Variants in VPS53 observed in about 807,000 individuals in gnomAD.
VPS53 encodes VPS53 subunit of GARP complex.
Under a neutral mutation model 107.0 loss-of-function variants are expected in VPS53, and 70 were observed. That is an observed-to-expected ratio of 0.65 (90% CI 0.54 to 0.80). VPS53 has a LOEUF of 0.80. VPS53 is among the 30% of genes least tolerant of loss of function. The pLI is 0.00. For missense variants in VPS53, 917 were observed against 1,049.4 expected, an observed-to-expected ratio of 0.87 and a Z score of 1.74; for synonymous variants, 409 against 393.3, an observed-to-expected ratio of 1.04 and a Z score of -0.47.
chr17:548,891 C>T (rs1911548790), intron 17 of VPS53, among the ~76,000 whole-genome samples: 1 of 152,246 alleles, frequency 6.6e-6, no homozygotes, highest in Non-Finnish European at 1.5e-5. Context: ...TCGCCCTCAT[C>T]TGTTTCAAAC....
chr17:655,084 C>CA lies in VPS53; in HGVS notation c.488+753dup, dbSNP rs531495499. Among the ~76,000 whole-genome samples the CA allele has an allele frequency of 1.2e-3, 189 of 152,304 alleles. 2 individuals carry two copies. Among genetic ancestry groups the CA allele is most frequent in the African/African-American group, 4.3e-3 (177 of 41,566 alleles). ...ACCCAGGACTTTGAATGCTGCATCT[C>CA]AGTTTCTATGACGATGCGCTTTCCC... On this transcript the variant is annotated intron_variant, in intron 6 of 21. Transcript: ENST00000437048.
Position 638,062 on chromosome 17 carries a change from T to C in VPS53, c.609-6434A>G, listed in dbSNP as rs564101152. On this transcript the variant is annotated intron_variant, in intron 7 of 21. Transcript: ENST00000437048. ...TTGTGTGGGAGTCTAAGTCTCTTTG[T>C]AGTTTCTAAGGACTTGCTTTATGAA... is the stretch of plus-strand genomic sequence containing the variant. 6.6e-4 allele frequency among the ~76,000 whole-genome samples: 100 copies of C among 152,352 alleles called. 1 individual carries two copies. Among genetic ancestry groups the C allele is most frequent in the Admixed American group, 5.0e-3 (76 of 15,294 alleles).
In VPS53 at chr17:638,689, G is replaced by A. The variant is rs191895558; in HGVS notation, c.609-7061C>T. On this transcript the variant is annotated intron_variant, in intron 7 of 21. Transcript: ENST00000437048. ...TTCACTTATGAAGCTTAGTTTGGCT[G>A]GATATGAAATTCTGGGTTGAAAATT... 2.9e-3 allele frequency among the ~76,000 whole-genome samples: 440 copies of A among 152,232 alleles called. 3 individuals are homozygous for A. The highest frequency in any genetic ancestry group is 9.9e-3 in the African/African-American group (413 of 41,540).
chr17:571,585 G>C (rs565170326), intron 13 of VPS53, among the ~76,000 whole-genome samples: 19 of 141,338 alleles, frequency 1.3e-4, no homozygotes, highest in Middle Eastern at 3.5e-3. Flanking sequence ...GTCTCCCTCT[G>C]ATGCCGAGCC....
chr17:530,448 C>T (rs141947331), intron 19 of VPS53, among the ~76,000 whole-genome samples: 261 of 152,224 alleles, frequency 1.7e-3, no homozygotes, highest in African/African-American at 5.9e-3. Context: ...CCACTGCACC[C>T]GGCCTGCTAA....
At chr17:649,587 C>A (rs1396358162) in intron 7 of VPS53, among the ~76,000 whole-genome samples, 1 of 142,776 alleles carries the variant, frequency 7.0e-6, no homozygotes. Flanking sequence ...GGAACAGGCA[C>A]TGAAGATCTT....
At chr17:667,029 A>G (rs1316242675) in intron 4 of VPS53, among the ~76,000 whole-genome samples, 1 of 152,198 alleles carries the variant, frequency 6.6e-6, no homozygotes, top group African/African-American at 2.4e-5. Flanking sequence ...GATGACATGA[A>G]GTAGAGGCTG....
At chr17:587,766 C>T (rs441438) in intron 12 of VPS53, among the ~76,000 whole-genome samples, 89,734 of 151,582 alleles carry the variant, frequency 0.59, 27,158 homozygotes, top group Middle Eastern at 0.73. Context: ...GGGGTTGATA[C>T]TAAATCATAA....
chr17:522,798 G>C (rs1908852553), intron 19 of VPS53: 2 of 152,214 alleles, frequency 1.3e-5, no homozygotes, highest in South Asian at 4.1e-4. Context: ...AAGGCTCACT[G>C]ACTGCCGGGA....
chr17:668,882 G>C (rs1163695744), intron 4 of VPS53, among the ~76,000 whole-genome samples: 1 of 152,192 alleles, frequency 6.6e-6, no homozygotes, highest in Non-Finnish European at 1.5e-5. Flanking sequence ...TGTCTCTGCT[G>C]AAGGTATCGC....
At chr17:551,011 C>A (rs540644813) in intron 17 of VPS53, among the ~76,000 whole-genome samples, 1 of 152,278 alleles carries the variant, frequency 6.6e-6, no homozygotes, top group South Asian at 2.1e-4. Context: ...AACACCCATT[C>A]TGGTGAGACC....
intron 13 of VPS53, among the ~76,000 whole-genome samples, chr17:577,286 T>A (rs1184557975): frequency 4.0e-5 from 6 of 148,466 alleles, no homozygotes; most frequent in Non-Finnish European, 8.9e-5. Context: ...AGAACCTCCC[T>A]CAGAACCACA....
intron 3 of VPS53, 105 bp from the exon 4 acceptor site, chr17:697,589 C>A (rs1405855975): frequency 2.2e-6 from 2 of 910,340 alleles, no homozygotes; most frequent in Non-Finnish European, 3.5e-6. Context: ...CTGCAGACTG[C>A]ACCTAATTGT....
chr17:634,440 C>T (rs1475732273), intron 7 of VPS53, among the ~76,000 whole-genome samples: 1 of 151,942 alleles, frequency 6.6e-6, no homozygotes, highest in East Asian at 1.9e-4. Context: ...TACATGTGCA[C>T]AATGTGCAGG....
intron 19 of VPS53, among the ~76,000 whole-genome samples, chr17:526,142 G>C (rs1002609788): frequency 6.6e-6 from 1 of 151,760 alleles, no homozygotes; most frequent in African/African-American, 2.4e-5. Flanking sequence ...CTACCATTCA[G>C]GACTCAACTC....
intron 2 of VPS53, among the ~76,000 whole-genome samples, chr17:709,478 C>T (rs1973555923): frequency 6.6e-6 from 1 of 152,186 alleles, no homozygotes; most frequent in Admixed American, 6.6e-5. Context: ...AGGCTACCTC[C>T]TCTCTGAAGT....
At chr17:546,717 G>C (rs1391852308) in intron 17 of VPS53, among the ~76,000 whole-genome samples, 1 of 152,126 alleles carries the variant, frequency 6.6e-6, no homozygotes, top group African/African-American at 2.4e-5. Flanking sequence ...ACAAGTGTGG[G>C]AGAAGATGTG....
intron 15 of VPS53, 83 bp from the exon 16 acceptor site, chr17:553,545 G>T: frequency 1.1e-5 from 11 of 972,356 alleles, no homozygotes; most frequent in Middle Eastern, 2.2e-4. Context: ...CATTTACTGC[G>T]TTTGATGATT....
intron 20 of VPS53, 77 bp downstream of exon 20, chr17:521,524 C>G (rs988897702): frequency 6.9e-7 from 1 of 1,450,084 alleles, no homozygotes; most frequent in East Asian, 2.6e-5. Context: ...TAGGACCTAC[C>G]CTGTGCTTTC....
Sources: gnomAD v4.1 joint callset for allele counts (sites outside exome capture counted in the v4.1 genomes callset) on GRCh38, gnomAD v4.1.1 for gene constraint, MANE v1.5 for transcripts, NCBI Gene and HGNC (gene_info 2026-07-23, HGNC 2026-07-21) for gene names.